ANTXR1: variants seen among roughly 807,000 people sequenced by gnomAD.
ANTXR1 encodes the protein anthrax toxin receptor 1.
Under a neutral mutation model 78.1 loss-of-function variants are expected in ANTXR1, and 19 were observed. The ratio of observed to expected loss-of-function variants is 0.24; its 90% CI spans 0.17 to 0.36. ANTXR1 has a LOEUF of 0.36. Among genes scored for constraint, ANTXR1 ranks in the 10% least tolerant of loss-of-function variants. The pLI is 1.00. For missense variants in ANTXR1, 518 were observed against 718.6 expected (o/e 0.72, Z 3.19); for synonymous variants, 273 against 260.5 (o/e 1.05, Z -0.46).
chr2:69,235,166 GGCATGTGCCACCAC>G (rs1675724446), intron 17 of ANTXR1, among the ~76,000 whole-genome samples: 1 of 151,854 alleles, frequency 6.6e-6, no homozygotes, highest in Non-Finnish European at 1.5e-5. Context: ...TGGGATTACA[GGCATGTGCCACCAC>G]GCCCAGCTAA....
Position 69,096,245 on chromosome 2 carries a change from G to A in ANTXR1, c.703+5326G>A, listed in dbSNP as rs567782629. On this transcript the variant is annotated intron_variant, in intron 9 of 17. Transcript: ENST00000303714. ...TGCACTCCAGCCTGGGCAACAGAGC[G>A]AGACTCCGTCAAAAGGAAGGAAGGA... Among the ~76,000 whole-genome samples, 3 of 142,456 alleles carry A rather than the reference G, an allele frequency of 2.1e-5. No homozygotes were observed. In the East Asian group the frequency reaches 6.1e-4, roughly 29 times the overall value. The allele number at this position is 142,456 out of a possible 152,430, so 93.5% of individuals were successfully genotyped here.
intron 17 of ANTXR1, among the ~76,000 whole-genome samples, chr2:69,201,708 G>A (rs775655677): frequency 6.6e-6 from 1 of 152,148 alleles, no homozygotes; most frequent in African/African-American, 2.4e-5. Context: ...AGGGTAGAAA[G>A]TGTGAAGGAG....
chr2:69,138,095 GAAAAAAAAAAA>G (rs530717585), intron 12 of ANTXR1, among the ~76,000 whole-genome samples: 1 of 89,060 alleles, frequency 1.1e-5, no homozygotes, highest in Non-Finnish European at 2.5e-5. Flanking sequence ...AAAAAAAAAA[GAAAAAAAAAAA>G]AAGAAAGAAA....
chr2:69,138,359 T>C (rs1347880757), intron 12 of ANTXR1, among the ~76,000 whole-genome samples: 1 of 152,202 alleles, frequency 6.6e-6, no homozygotes, highest in African/African-American at 2.4e-5. Flanking sequence ...CATATTGTCC[T>C]AGTTGGCAGC....
chr2:69,041,470 T>C (rs1360424304), intron 2 of ANTXR1, among the ~76,000 whole-genome samples: 2 of 152,190 alleles, frequency 1.3e-5, no homozygotes, highest in African/African-American at 2.4e-5. Flanking sequence ...TGTGTCTCAT[T>C]TGCTCTTCTG....
chr2:69,080,986 G>A (rs1192599873), intron 8 of ANTXR1, among the ~76,000 whole-genome samples: 2 of 152,204 alleles, frequency 1.3e-5, no homozygotes, highest in African/African-American at 2.4e-5. Context: ...GAGCAATCAG[G>A]CTTGAAATCA....
chr2:69,108,062 T>A (rs758765931), intron 10 of ANTXR1, among the ~76,000 whole-genome samples: 2 of 152,212 alleles, frequency 1.3e-5, no homozygotes, highest in Non-Finnish European at 2.9e-5. Context: ...TCTAAGATGG[T>A]AGCCACAAGC....
chr2:69,059,897 C>T (rs115917259), intron 3 of ANTXR1, among the ~76,000 whole-genome samples: 192 of 152,264 alleles, frequency 1.3e-3, no homozygotes, highest in African/African-American at 4.5e-3. Context: ...GGGCTTATTT[C>T]AAAAGCCAGA....
chr2:69,117,024 T>C (rs1672166607), intron 10 of ANTXR1, among the ~76,000 whole-genome samples: 1 of 152,230 alleles, frequency 6.6e-6, no homozygotes, highest in South Asian at 2.1e-4. Flanking sequence ...TATACACTTA[T>C]GAGTGTATGG....
intron 3 of ANTXR1, among the ~76,000 whole-genome samples, chr2:69,060,433 A>G (rs1193260141): frequency 1.3e-5 from 2 of 152,186 alleles, no homozygotes; most frequent in Admixed American, 6.5e-5. Context: ...GTGACCTTGT[A>G]AAACAGTGCT....
rs564772312 is a variant in ANTXR1, at chr2:69,098,914, A to G, written c.704-3928A>G. Among the ~76,000 whole-genome samples, 32 of 152,328 alleles carry G rather than the reference A, an allele frequency of 2.1e-4. No individual in the cohort carries two copies. In the Middle Eastern group the frequency reaches 0.01, roughly 49 times the overall value. ...GGCAGGAGAATAGCTTTAACTTAGG[A>G]GGCGGAGGTTGCAGTGAGCCAAGAT... On this transcript the variant is annotated intron_variant, in intron 9 of 17. Coordinates refer to ENST00000303714, the MANE Select transcript of ANTXR1 (RefSeq NM_032208.3).
intron 12 of ANTXR1, among the ~76,000 whole-genome samples, chr2:69,142,851 T>G (rs10181058): frequency 0.013 from 2,010 of 152,086 alleles, 41 homozygotes; most frequent in African/African-American, 0.046. Flanking sequence ...GCTGGAGAGA[T>G]AAGAGAGGGC....
chr2:69,235,772 A>G (rs1675747387), intron 17 of ANTXR1, among the ~76,000 whole-genome samples: 1 of 142,108 alleles, frequency 7.0e-6, no homozygotes, highest in African/African-American at 2.8e-5. Flanking sequence ...AAAATCACAA[A>G]CCAAAAAAAA....
intron 2 of ANTXR1, among the ~76,000 whole-genome samples, chr2:69,040,738 C>G (rs1669589336): frequency 6.6e-6 from 1 of 152,186 alleles, no homozygotes; most frequent in Non-Finnish European, 1.5e-5. Flanking sequence ...TCACTTCACC[C>G]CACTGTGTGC....
chr2:69,049,870 C>A (rs1669878072), intron 3 of ANTXR1, among the ~76,000 whole-genome samples: 1 of 152,088 alleles, frequency 6.6e-6, no homozygotes, highest in African/African-American at 2.4e-5. Context: ...AGGAAGGATT[C>A]TTCAAATGCG....
chr2:69,214,672 T>G (rs1265639885), intron 17 of ANTXR1, among the ~76,000 whole-genome samples: 4 of 152,204 alleles, frequency 2.6e-5, no homozygotes, highest in Non-Finnish European at 2.9e-5. Flanking sequence ...TTAGCCAATT[T>G]CTTACCCCTC....
chr2:69,187,240 C>T (rs1239620341), intron 16 of ANTXR1, among the ~76,000 whole-genome samples: 1 of 152,124 alleles, frequency 6.6e-6, no homozygotes, highest in African/African-American at 2.4e-5. Context: ...CACACTTCCC[C>T]CCTTCCTCAT....
rs1676003216 is a variant in ANTXR1 at position 69,245,539 on chromosome 2, A to G, written c.*54A>G. ...CAGAAACTTCAGGAGATGTTAGAAC[A>G]AGTCTTTCCAGTTAGAGAAGAGGAG... On this transcript the variant is annotated 3_prime_UTR_variant, in exon 18 of 18. Transcript: ENST00000303714. 1.2e-6 allele frequency: 2 copies of G among 1,604,206 alleles called. No individual in the cohort carries two copies. The highest frequency in any genetic ancestry group is 8.5e-7 in the Non-Finnish European group (1 of 1,177,220).
chr2:69,203,653 CCTCCCT>C (rs1026555140), intron 17 of ANTXR1, among the ~76,000 whole-genome samples: 5 of 151,936 alleles, frequency 3.3e-5, no homozygotes, highest in Non-Finnish European at 7.4e-5. Flanking sequence ...TCTCTTTCCC[CCTCCCT>C]CTCCCTCTCT....
Sources: gnomAD v4.1 joint callset for allele counts (sites outside exome capture counted in the v4.1 genomes callset) on GRCh38, gnomAD v4.1.1 for gene constraint, MANE v1.5 for transcripts, NCBI Gene and HGNC (gene_info 2026-07-23, HGNC 2026-07-21) for gene names.